The following DSCAML1 variants were observed in gnomAD, a reference collection of about 807,000 sequenced individuals.
The protein encoded by DSCAML1 is DS cell adhesion molecule like 1, also known as cell adhesion molecule DSCAML1.
Under a neutral mutation model 200.5 loss-of-function variants are expected in DSCAML1, and 38 were observed. That is an observed-to-expected ratio of 0.19 (90% CI 0.15 to 0.25). The LOEUF (loss-of-function observed/expected upper bound fraction) is 0.25. DSCAML1 is among the 10% of genes least tolerant of loss of function. DSCAML1 has a pLI of 1.00. For synonymous variants in DSCAML1, 1,215 were observed against 1,165.0 expected, an observed-to-expected ratio of 1.04 and a Z score of -0.87; for missense variants, 2,223 against 2,858.8, an observed-to-expected ratio of 0.78 and a Z score of 5.07.
chr11:117,688,601 A>T (rs1053478035), intron 3 of DSCAML1, among the ~76,000 whole-genome samples: 2 of 152,154 alleles, frequency 1.3e-5, no homozygotes, highest in African/African-American at 4.8e-5. Flanking sequence ...GCTGGGCTCC[A>T]CCAAGGACAT....
Position 117,498,389 on chromosome 11 carries a change from C to A in DSCAML1, c.2359+5456G>T, listed in dbSNP as rs1025824927. Reference sequence around the variant, plus strand: ...CGTGGGAGGACAGTCTGTGGAGGAGCCCTCGGGAGGTCCTGGAAGCAGGGA... The same window carrying A: ...CGTGGGAGGACAGTCTGTGGAGGAGACCTCGGGAGGTCCTGGAAGCAGGGA... On this transcript the variant is annotated intron_variant, in intron 11 of 32. Transcript: ENST00000651296. This position sits in a 1 kb window ranked among gnomAD's most constrained non-coding sequence, Gnocchi z 4.0. Among the ~76,000 whole-genome samples the A allele has an allele frequency of 6.6e-6, 1 of 152,132 alleles. No individual in the cohort carries two copies. The highest frequency in any genetic ancestry group is 6.5e-5 in the Admixed American group (1 of 15,280).
At chr11:117,433,068 G>A in intron 29 of DSCAML1, 70 bp downstream of exon 29, 1 of 1,396,296 alleles carries the variant, frequency 7.2e-7, no homozygotes, top group Non-Finnish European at 1.0e-6. Context: ...GTTGGTGTTT[G>A]ACTTCCATGG....
At chr11:117,582,846 C>G (rs1445915809) in intron 3 of DSCAML1, among the ~76,000 whole-genome samples, 1 of 152,086 alleles carries the variant, frequency 6.6e-6, no homozygotes, top group Admixed American at 6.5e-5. Flanking sequence ...GCACAAGAAG[C>G]CTGAGTGGGA....
chr11:117,472,089 T>A, intron 14 of DSCAML1, 53 bp from the exon 15 acceptor site: 1 of 1,599,848 alleles, frequency 6.3e-7, no homozygotes, highest in Non-Finnish European at 8.5e-7. Context: ...CCAGGACCCC[T>A]TCCCAGCCTG....
chr11:117,581,612 G>A (rs895924774), intron 3 of DSCAML1, among the ~76,000 whole-genome samples: 4 of 152,168 alleles, frequency 2.6e-5, no homozygotes, highest in African/African-American at 7.2e-5. Context: ...ATTAAGCATT[G>A]TGATGAACAC....
At chr11:117,621,605 T>G (rs2137550855) in intron 3 of DSCAML1, among the ~76,000 whole-genome samples, 1 of 152,338 alleles carries the variant, frequency 6.6e-6, no homozygotes, top group South Asian at 2.1e-4. Context: ...ATCTTGTTAT[T>G]CAACTGGACT....
intron 3 of DSCAML1, among the ~76,000 whole-genome samples, chr11:117,739,768 C>T (rs976841655): frequency 6.6e-6 from 1 of 151,988 alleles, no homozygotes; most frequent in African/African-American, 2.4e-5. Flanking sequence ...ATCACCCCAA[C>T]ACCCAAGGTC....
intron 1 of DSCAML1, among the ~76,000 whole-genome samples, chr11:117,784,726 C>A (rs1565283939): frequency 6.6e-6 from 1 of 152,190 alleles, no homozygotes; most frequent in Non-Finnish European, 1.5e-5. Flanking sequence ...GGTGCTCACC[C>A]CTCACCTGCT....
At chr11:117,561,574 T>TTCTCC (rs558576435) in intron 3 of DSCAML1, among the ~76,000 whole-genome samples, 7 of 152,152 alleles carry the variant, frequency 4.6e-5, no homozygotes, top group African/African-American at 9.7e-5. Flanking sequence ...GCGCCCCTTG[T>TTCTCC]TCTCCTCTCC....
chr11:117,447,507 G>A (rs2048204016), intron 20 of DSCAML1, among the ~76,000 whole-genome samples: 1 of 151,786 alleles, frequency 6.6e-6, no homozygotes, highest in Non-Finnish European at 1.5e-5. Flanking sequence ...TTTATCTGTA[G>A]GAAGTACAAG....
In DSCAML1 at chr11:117,616,735, A is replaced by G. The variant is rs149347332; in HGVS notation, c.512-84213T>C. Among the ~76,000 whole-genome samples the G allele has an allele frequency of 4.2e-3, 644 of 152,344 alleles. 1 individual carries two copies. The highest frequency in any genetic ancestry group is 7.5e-3 in the Non-Finnish European group (513 of 68,030). On this transcript the variant is annotated intron_variant, in intron 3 of 32. Transcript: ENST00000651296. Reference sequence around the variant, plus strand: ...TTCTTGAGCTAAGTGACAATTATGCAGATGTGTTTACTTTATGAAAAGTCA... The same window carrying G: ...TTCTTGAGCTAAGTGACAATTATGCGGATGTGTTTACTTTATGAAAAGTCA...
In DSCAML1 at chr11:117,428,911, TA is replaced by T. The variant is rs1319306402; in HGVS notation, c.5687-109del. 5.6e-5 allele frequency: 61 copies of T among 1,095,712 alleles called. No individual in the cohort carries two copies. In the East Asian group the frequency reaches 1.5e-3, roughly 26 times the overall value. The allele number at this position is 1,095,712 out of a possible 1,614,324, so 67.9% of individuals were successfully genotyped here. A position where few individuals can be genotyped will look rare whatever the true frequency, so the allele number is the denominator to read the frequency against. On this transcript the variant is annotated intron_variant, in intron 32 of 32. Transcript: ENST00000651296. ...CCCCAGTCTTCTCTCTGATTTGGCA[TA>T]GGGGCCCCTCCACTGGGGGGCAATA...
intron 3 of DSCAML1, among the ~76,000 whole-genome samples, chr11:117,727,642 A>G (rs2054155116): frequency 6.7e-6 from 1 of 148,862 alleles, no homozygotes; most frequent in African/African-American, 2.4e-5. Context: ...TCCCCACATG[A>G]ATGTCTTTGA....
Position 117,482,120 on chromosome 11 carries a change from A to T in DSCAML1, c.2402T>A (p.Ile801Asn), listed in dbSNP as rs537845107. Residue 801 changes from isoleucine (I) to asparagine (N), a missense_variant, in exon 12 of 33, where the codon ATC becomes AAC. Coordinates refer to ENST00000651296, the MANE Select transcript of DSCAML1 (RefSeq NM_020693.4). ...ITSHPNTTIA[I>N]KGHAKELNCT... is the part of the protein sequence containing the mutation. The stretch of plus-strand genomic sequence containing the variant: ...GTTTAGCTCCTTCGCATGGCCCTTG[A>T]TGGCGATGGTGGTGTTGGGGTGGGA... 2.5e-6 allele frequency: 4 copies of T among 1,614,106 alleles called. No homozygotes were observed. Among genetic ancestry groups the T allele is most frequent in the Non-Finnish European group, 3.4e-6 (4 of 1,179,966 alleles).
intron 1 of DSCAML1, among the ~76,000 whole-genome samples, chr11:117,790,036 C>A (rs1209189999): frequency 6.6e-6 from 1 of 152,174 alleles, no homozygotes; most frequent in African/African-American, 2.4e-5. Flanking sequence ...CCTGAATCTC[C>A]CTCTCCCACC....
Position 117,551,712 on chromosome 11 carries a change from G to A in DSCAML1, c.512-19190C>T, listed in dbSNP as rs966973561. Among the ~76,000 whole-genome samples, 7 of 152,250 alleles carry A rather than the reference G, an allele frequency of 4.6e-5. No individual in the cohort carries two copies. In the East Asian group the frequency reaches 1.4e-3, roughly 29 times the overall value. On this transcript the variant is annotated intron_variant, in intron 3 of 32. Coordinates refer to ENST00000651296, the MANE Select transcript of DSCAML1 (RefSeq NM_020693.4). Reference sequence around the variant, plus strand: ...CAGTTGGGGAAAGGGGGTCTGGAGGGGACAGCAGCTGACTTTGGAGGGAGA... The same window carrying A: ...CAGTTGGGGAAAGGGGGTCTGGAGGAGACAGCAGCTGACTTTGGAGGGAGA...
intron 3 of DSCAML1, among the ~76,000 whole-genome samples, chr11:117,583,334 T>C (rs536542756): frequency 6.6e-6 from 1 of 152,126 alleles, no homozygotes; most frequent in Non-Finnish European, 1.5e-5. Context: ...CTTGTACCCC[T>C]CTGCTCAAGA....
intron 1 of DSCAML1, among the ~76,000 whole-genome samples, chr11:117,810,047 A>C (rs1025722416): frequency 1.7e-4 from 26 of 151,680 alleles, no homozygotes; most frequent in Admixed American, 5.3e-4. Context: ...ACACATTCAC[A>C]CTCACACACA....
At chr11:117,801,087 C>A (rs2055652941), upstream of DSCAML1, 2 of 152,156 alleles carry the variant, frequency 1.3e-5, no homozygotes, top group African/African-American at 4.8e-5. Flanking sequence ...TTAGTACTTA[C>A]TTATCAGTTG....
Sources: gnomAD v4.1 joint callset for allele counts (sites outside exome capture counted in the v4.1 genomes callset) on GRCh38, gnomAD v4.1.1 for gene constraint, Gnocchi (gnomAD v3.1) non-coding constraint, MANE v1.5 for transcripts, NCBI Gene and HGNC (gene_info 2026-07-23, HGNC 2026-07-21) for gene names.